Variants in APBA2 observed in about 807,000 individuals in gnomAD.
APBA2 encodes amyloid-beta A4 precursor protein-binding family A member 2.
Under a neutral mutation model 75.0 loss-of-function variants are expected in APBA2, and 30 were observed. The observed-to-expected ratio is 0.40, with a 90% CI of 0.30 to 0.54. The LOEUF is 0.54. APBA2 is among the 20% of genes least tolerant of loss of function. The probability of loss-of-function intolerance (pLI) is 0.49; values close to 1 mark genes in which losing one functional copy is unlikely to be tolerated. For missense variants in APBA2, 801 were observed against 1,016.1 expected (o/e 0.79, Z 2.88); for synonymous variants, 444 against 409.6 (o/e 1.08, Z -1.01).
intron 3 of APBA2, among the ~76,000 whole-genome samples, chr15:29,019,171 G>A (rs2039825555): frequency 6.6e-6 from 1 of 152,134 alleles, no homozygotes; most frequent in African/African-American, 2.4e-5. Context: ...TGTGCTCTTG[G>A]AGTGAGGGCC....
intron 2 of APBA2, among the ~76,000 whole-genome samples, chr15:28,993,893 C>T (rs1033814584): frequency 1.3e-5 from 2 of 152,128 alleles, no homozygotes; most frequent in African/African-American, 4.8e-5. Flanking sequence ...GGTCAAGTGA[C>T]AGCTGCCCAG....
intron 3 of APBA2, among the ~76,000 whole-genome samples, chr15:29,013,273 C>G (rs199929517): frequency 1.2e-5 from 1 of 85,848 alleles, no homozygotes; most frequent in African/African-American, 5.0e-5. Flanking sequence ...ATGAGTCATT[C>G]TTTTTTTTTT....
At chr15:28,922,941 A>T (rs144553446) in intron 2 of APBA2, among the ~76,000 whole-genome samples, 3 of 152,298 alleles carry the variant, frequency 2.0e-5, no homozygotes, top group African/African-American at 7.2e-5. Context: ...GTTGTTGCCC[A>T]TGTGGTAGAA....
At chr15:29,108,569 T>C (rs2044562520) in intron 13 of APBA2, 180 bp downstream of exon 13, 4 of 950,792 alleles carry the variant, frequency 4.2e-6, no homozygotes, top group Admixed American at 2.3e-5. Flanking sequence ...TGGGAGGTCC[T>C]GGCTAGAAGG....
chr15:29,013,250 G>A (rs28634084), intron 3 of APBA2, among the ~76,000 whole-genome samples: 46,410 of 144,670 alleles, frequency 0.32, 11,959 homozygotes, highest in African/African-American at 0.68. Context: ...AAGATGTTAT[G>A]TCATATAGGA....
chr15:29,088,544 C>A (rs1286881817), intron 6 of APBA2, among the ~76,000 whole-genome samples: 1 of 152,178 alleles, frequency 6.6e-6, no homozygotes, highest in Non-Finnish European at 1.5e-5. Flanking sequence ...ACCTTTCCGT[C>A]CTGTTGATGG....
At chr15:29,081,438 T>C (rs2043079672) in intron 6 of APBA2, among the ~76,000 whole-genome samples, 1 of 152,214 alleles carries the variant, frequency 6.6e-6, no homozygotes, top group Non-Finnish European at 1.5e-5. Flanking sequence ...AATCTGAACT[T>C]TTATTCACTA....
chr15:29,051,936 C>T (rs142940035), intron 3 of APBA2, among the ~76,000 whole-genome samples: 30 of 152,278 alleles, frequency 2.0e-4, no homozygotes, highest in African/African-American at 6.5e-4. Context: ...ACTGTCCTCT[C>T]TACTGTTTTA....
At chr15:28,897,915 T>G (rs2032605747) in intron 1 of APBA2, among the ~76,000 whole-genome samples, 1 of 152,146 alleles carries the variant, frequency 6.6e-6, no homozygotes. Flanking sequence ...GCAGATGTGT[T>G]TAAGGATTTT....
At chr15:28,903,881 T>C (rs1301165328) in intron 1 of APBA2, among the ~76,000 whole-genome samples, 1 of 152,088 alleles carries the variant, frequency 6.6e-6, no homozygotes, top group Non-Finnish European at 1.5e-5. Flanking sequence ...CACAGCCTCC[T>C]CACTTGTCCC....
At chr15:29,111,212 C>T (rs925179965) in intron 13 of APBA2, among the ~76,000 whole-genome samples, 1 of 151,616 alleles carries the variant, frequency 6.6e-6, no homozygotes, top group Non-Finnish European at 1.5e-5. Context: ...GGGGGCCAAG[C>T]GTCTGTGAAA....
At chr15:29,101,927 C>T (rs939371485) in intron 10 of APBA2, 143 bp downstream of exon 10, 13 of 852,910 alleles carry the variant, frequency 1.5e-5, no homozygotes, top group Non-Finnish European at 1.9e-5. Context: ...TGATCTTTTG[C>T]ATACTCTTTG....
intron 1 of APBA2, among the ~76,000 whole-genome samples, chr15:28,911,029 T>C (rs899748884): frequency 6.6e-6 from 1 of 152,184 alleles, no homozygotes; most frequent in African/African-American, 2.4e-5. Flanking sequence ...TGGTTATAAA[T>C]AGTAAACATC....
chr15:29,106,969 A>G, intron 12 of APBA2, 150 bp downstream of exon 12: 2 of 731,782 alleles, frequency 2.7e-6, no homozygotes, highest in South Asian at 3.5e-5. Context: ...CTGGTCGATG[A>G]TGGTATCAGA....
At chr15:29,027,318 A>G (rs978517808) in intron 3 of APBA2, among the ~76,000 whole-genome samples, 2 of 152,098 alleles carry the variant, frequency 1.3e-5, no homozygotes, top group African/African-American at 2.4e-5. Context: ...AATATCTTCT[A>G]TAGCTATTCA....
At chr15:29,023,205 T>C (rs2040038137) in intron 3 of APBA2, among the ~76,000 whole-genome samples, 1 of 152,180 alleles carries the variant, frequency 6.6e-6, no homozygotes, top group South Asian at 2.1e-4. Context: ...TTTGTACTTC[T>C]AGGTAGGGTA....
At chr15:29,084,472 T>A (rs2043205080) in intron 6 of APBA2, among the ~76,000 whole-genome samples, 1 of 152,234 alleles carries the variant, frequency 6.6e-6, no homozygotes, top group Non-Finnish European at 1.5e-5. Context: ...CTTTCCCAGA[T>A]TATTCTAAAG....
chr15:29,065,152 CT>C (rs1284986054), intron 4 of APBA2, among the ~76,000 whole-genome samples: 4 of 152,068 alleles, frequency 2.6e-5, no homozygotes, highest in Admixed American at 1.3e-4. Flanking sequence ...GCGTCTGCTT[CT>C]TGAGGCCCCG....
intron 6 of APBA2, among the ~76,000 whole-genome samples, 154 bp downstream of exon 6, chr15:29,076,245 G>A (rs2042845274): frequency 6.6e-6 from 1 of 152,184 alleles, no homozygotes; most frequent in African/African-American, 2.4e-5. Flanking sequence ...TGAACACTGT[G>A]TAGCCCCACT....
Sources: allele counts gnomAD v4.1 joint callset (sites outside exome capture counted in the v4.1 genomes callset), GRCh38; gene constraint gnomAD v4.1.1; transcripts MANE v1.5; gene names NCBI Gene and HGNC (gene_info 2026-07-23, HGNC 2026-07-21).